ESPL1: variants seen among roughly 807,000 people sequenced by gnomAD.
The protein encoded by ESPL1 is separin.
A neutral mutation model predicts 217.2 loss-of-function variants in ESPL1; 50 were observed. The ratio of observed to expected loss-of-function variants is 0.23; its 90% confidence interval spans 0.18 to 0.29. ESPL1 has a LOEUF of 0.29. Among genes scored for constraint, ESPL1 ranks in the 10% least tolerant of loss-of-function variants. The pLI is 1.00. For synonymous variants in ESPL1, 994 were observed against 1,081.3 expected (o/e 0.92, Z 1.58); for missense variants, 1,834 against 2,603.0 (o/e 0.70, Z 6.43).
At chr12:53,277,637 C>T in intron 10 of ESPL1, 29 bp downstream of exon 10, 2 of 1,610,050 alleles carry the variant, frequency 1.2e-6, no homozygotes, top group Non-Finnish European at 1.7e-6. Flanking sequence ...GTGGCATGGG[C>T]ATCTCCATGG....
intron 17 of ESPL1, among the ~76,000 whole-genome samples, chr12:53,284,416 G>A (rs777084768): frequency 7.9e-5 from 12 of 151,980 alleles, no homozygotes; most frequent in African/African-American, 2.2e-4. Context: ...CACCACACCC[G>A]GATAATTTTT....
At chr12:53,274,442 G>C in intron 6 of ESPL1, 1 of 201,296 alleles carries the variant, frequency 5.0e-6, no homozygotes, top group Non-Finnish European at 1.0e-5. Flanking sequence ...CAGTGGATCG[G>C]TGCGAGAAGC....
Position 53,288,535 on chromosome 12 carries a change from C to G in ESPL1, c.4547-3C>G, listed in dbSNP as rs750298264. 7 of 1,607,590 alleles carry G rather than the reference C, an allele frequency of 4.4e-6. No individual in the cohort carries two copies. The highest frequency in any genetic ancestry group is 2.7e-5 in the African/African-American group (2 of 74,558). On this transcript the variant is annotated splice_region_variant and splice_polypyrimidine_tract_variant and intron_variant, in intron 19 of 30. Transcript: ENST00000257934. ...CTGTGAAAAAGGCCTGCTCTCTCCC[C>G]AGGTGGGAAGACTCCAGCTCCGGGC...
Position 53,286,905 on chromosome 12 carries a change from G to T in ESPL1, c.4169G>T (p.Arg1390Leu). 6.3e-7 allele frequency: 1 copy of T among 1,590,804 alleles called. No homozygotes were observed. The highest frequency in any genetic ancestry group is 8.6e-7 in the Non-Finnish European group (1 of 1,169,050). ...AGGGTACAACAGAGAGTCCAGACGC[G>T]CCTCAAGGTGAGGTGGGACTGTTGC... ...APRVQQRVQT[R>L]LKVNFSDDSD... Residue 1390 changes from arginine (R) to leucine (L), a missense_variant, in exon 18 of 31, where the codon CGC (arginine) becomes CTC (leucine). By Grantham distance (102) the Arg-to-Leu change is moderately radical. Transcript: ENST00000257934. The surrounding 1 kb of genome is among the most constrained non-coding windows in gnomAD (Gnocchi z 5.3).
rs761349808 is a variant in ESPL1 at position 53,276,659 on chromosome 12, C to T, written c.1740C>T (p.Thr580=). Residue 580 remains threonine (T), a synonymous_variant, in exon 8 of 31, where the codon ACC becomes ACT. Transcript: ENST00000257934. The part of the protein sequence containing the change: ...RDSLSGWDPE[T]LALLLREELQ... ...GCCTCAGTGGCTGGGACCCGGAGACCCTGGCCCTCCTGCTGAGGGAGGAGC... is the reference window on the plus strand; with the variant it reads ...GCCTCAGTGGCTGGGACCCGGAGACTCTGGCCCTCCTGCTGAGGGAGGAGC... 1 of 1,612,890 alleles carries T rather than the reference C, an allele frequency of 6.2e-7. No homozygotes were observed. Among genetic ancestry groups the T allele is most frequent in the Non-Finnish European group, 8.5e-7 (1 of 1,179,874 alleles).
At chr12:53,290,282 G>C (rs1387584445) in intron 23 of ESPL1, 65 bp from the exon 24 acceptor site, 2 of 1,610,664 alleles carry the variant, frequency 1.2e-6, no homozygotes, top group Non-Finnish European at 1.7e-6. Context: ...CACATTCTGT[G>C]TTGAGGGAGG....
chr12:53,286,502 G>A lies in ESPL1; in HGVS notation c.3766G>A (p.Ala1256Thr), dbSNP rs766217728. 1.2e-6 allele frequency: 2 copies of A among 1,614,230 alleles called. No individual in the cohort carries two copies. The highest frequency in any genetic ancestry group is 8.5e-7 in the Non-Finnish European group (1 of 1,180,030). Residue 1256 changes from alanine (A) to threonine (T), a missense_variant, in exon 18 of 31, where the codon GCA (alanine) becomes ACA (threonine). By Grantham distance (58) the Ala-to-Thr change is moderately conservative. Transcript: ENST00000257934. The surrounding 1 kb of genome is among the most constrained non-coding windows in gnomAD (Gnocchi z 5.3). The stretch of plus-strand genomic sequence containing the variant: ...ACAGTCAGGGCTGAAGTTTGTAGCA[G>A]CACGGATACCCCACCTAGAGCCCTG... ...VLQSGLKFVA[A>T]RIPHLEPWRA...
rs1254669393 is a variant in ESPL1, at chr12:53,274,842, T to A, written c.1532T>A (p.Val511Glu). The A allele has an allele frequency of 6.2e-7, 1 of 1,613,914 alleles. No homozygotes were observed. The highest frequency in any genetic ancestry group is 1.3e-5 in the African/African-American group (1 of 74,882). The change falls in exon 7 of 31, where the codon GTA (valine) becomes GAA (glutamate). Residue 511 changes from valine (V) to glutamate (E), a missense_variant. By Grantham distance (121) the Val-to-Glu change is moderately radical (BLOSUM62 -2). Transcript: ENST00000257934. ...TTGCACAGGTGCTTCCGGCTACAAGTAGAGAGTTTGAAGAAACTGGGTAAA... is the reference window on the plus strand; with the variant it reads ...TTGCACAGGTGCTTCCGGCTACAAGAAGAGAGTTTGAAGAAACTGGGTAAA... ...EKLHRCFRLQ[V>E]ESLKKLGKQA...
chr12:53,282,408 T>C lies in ESPL1; in HGVS notation c.2764T>C (p.Ser922Pro). 2 of 1,614,082 alleles carry C rather than the reference T, an allele frequency of 1.2e-6. No individual in the cohort carries two copies. The highest frequency in any genetic ancestry group is 3.3e-4 in the Middle Eastern group (2 of 6,062). ...CCTCCCGTCAAACAACCTCTCACAC[T>C]CCCTGTGGGAGCAGCTCTGTGCCCA... The part of the protein sequence containing the change: ...LSLPSNNLSH[S>P]LWEQLCAQGW... Residue 922 changes from serine to proline, a missense_variant, in exon 14 of 31, where the codon TCC (serine) becomes CCC (proline). Physicochemically the swap from Ser to Pro is moderately conservative, Grantham distance 74. Coordinates refer to ENST00000257934, the MANE Select transcript of ESPL1 (RefSeq NM_012291.5). The surrounding 1 kb of genome is among the most constrained non-coding windows in gnomAD (Gnocchi z 4.0).
intron 20 of ESPL1, 99 bp from the exon 21 acceptor site, chr12:53,288,991 C>A: frequency 2.0e-6 from 2 of 979,342 alleles, no homozygotes; most frequent in South Asian, 1.4e-5. Flanking sequence ...TGCTGTTTGC[C>A]ATGTGGGAGA....
rs1172269393 is a variant in ESPL1 at position 53,276,866 on chromosome 12, A to G, written c.1940+7A>G. 1 of 1,613,004 alleles carries G rather than the reference A, an allele frequency of 6.2e-7. No individual in the cohort carries two copies. Among genetic ancestry groups the G allele is most frequent in the African/African-American group, 1.3e-5 (1 of 74,930 alleles). ...TTACGCAGCAGACCAACTGGTAAGG[A>G]GTAGTAGCTGCAGAGGCCACTCTTG... is the stretch of plus-strand genomic sequence containing the variant. On this transcript the variant is annotated splice_region_variant and intron_variant, in intron 8 of 30. Transcript: ENST00000257934.
intron 11 of ESPL1, among the ~76,000 whole-genome samples, chr12:53,278,178 C>T (rs148994935): frequency 0.015 from 2,247 of 152,294 alleles, 27 homozygotes; most frequent in South Asian, 0.054. Context: ...GTTTCCTTAT[C>T]TCTAAAATAG....
In ESPL1 at chr12:53,282,398, C is replaced by T; in HGVS notation, c.2754C>T (p.Asn918=). The change falls in exon 14 of 31, where the codon AAC becomes AAT. Residue 918 remains asparagine (N), a synonymous_variant. Transcript: ENST00000257934. This position sits in a 1 kb window ranked among gnomAD's most constrained non-coding sequence, Gnocchi z 4.0. ...CTTACCTTAGCCTCCCGTCAAACAA[C>T]CTCTCACACTCCCTGTGGGAGCAGC... ...VAAYLSLPSN[N]LSHSLWEQLC... 1 of 1,614,194 alleles carries T rather than the reference C, an allele frequency of 6.2e-7. No homozygotes were observed.
rs144237775 is a variant in ESPL1 at position 53,286,008 on chromosome 12, C to T, written c.3272C>T (p.Pro1091Leu). 9.0e-5 allele frequency: 145 copies of T among 1,602,854 alleles called. No individual in the cohort carries two copies. In the African/African-American group the frequency reaches 1.9e-3, roughly 21 times the overall value. The change falls in exon 18 of 31, where the codon CCT (proline) becomes CTT (leucine). Residue 1091 changes from proline to leucine, a missense_variant. This residue lies in a region of ESPL1 where 681 missense variants were observed against 808.0 expected (regional missense o/e 0.84). Transcript: ENST00000257934. This position sits in a 1 kb window ranked among gnomAD's most constrained non-coding sequence, Gnocchi z 5.3. ...KGKQQAQVPC[P>L]PQLPEEELFL... Reference sequence around the variant, plus strand: ...AAGCAGCAGGCCCAGGTCCCCTGTCCTCCACAGCTCCCAGAGGAGGAGCTC... The same window carrying T: ...AAGCAGCAGGCCCAGGTCCCCTGTCTTCCACAGCTCCCAGAGGAGGAGCTC...
Position 53,276,853 on chromosome 12 carries a change from C to T in ESPL1, c.1934C>T (p.Thr645Ile). 6.2e-7 allele frequency: 1 copy of T among 1,613,662 alleles called. No homozygotes were observed. Among genetic ancestry groups the T allele is most frequent in the Non-Finnish European group, 8.5e-7 (1 of 1,179,932 alleles). The stretch of plus-strand genomic sequence containing the variant: ...TGCTACCACGACTTTACGCAGCAGA[C>T]CAACTGGTAAGGAGTAGTAGCTGCA... The part of the protein sequence containing the change: ...VLCYHDFTQQ[T>I]NCSALDAIRE... The change falls in exon 8 of 31, where the codon ACC becomes ATC. Residue 645 changes from threonine to isoleucine, a missense_variant. This residue lies in a region of ESPL1 where 746 missense variants were observed against 1,077.0 expected (regional missense o/e 0.69). Coordinates refer to ENST00000257934, the MANE Select transcript of ESPL1 (RefSeq NM_012291.5).
Position 53,272,831 on chromosome 12 carries a change from A to G in ESPL1, c.1480A>G (p.Thr494Ala). The G allele has an allele frequency of 1.9e-6, 3 of 1,614,042 alleles. No individual in the cohort carries two copies. Among genetic ancestry groups the G allele is most frequent in the Non-Finnish European group, 2.5e-6 (3 of 1,180,020 alleles). ...GCACCTGGGTTTGGTGAAGCCAGGC[A>G]CTTATCCCGAGGTGCCTCCTGAGAA... ...CQHLGLVKPG[T>A]YPEVPPEKLH... Residue 494 changes from threonine (T) to alanine (A), a missense_variant, in exon 6 of 31, where the codon ACT (threonine) becomes GCT (alanine). Physicochemically the swap from Thr to Ala is moderately conservative, Grantham distance 58. This residue lies in a region of ESPL1 where 746 missense variants were observed against 1,077.0 expected (regional missense o/e 0.69). Transcript: ENST00000257934.
intron 8 of ESPL1, 94 bp downstream of exon 8, chr12:53,276,953 T>C: frequency 1.3e-6 from 2 of 1,554,158 alleles, no homozygotes; most frequent in Non-Finnish European, 1.7e-6. Flanking sequence ...AGCCCTGAGC[T>C]CTCCCTTCAT....
rs750397784 is a variant in ESPL1 at position 53,288,324 on chromosome 12, G to A, written c.4529G>A (p.Gly1510Glu). ...TTTGAGATCCTCAGGGGCTCTGACG[G>A]GGAAGACTCAGCCTCAGGTAGGACA... The part of the protein sequence containing the change: ...MSFEILRGSD[G>E]EDSASGGKTP... The change falls in exon 19 of 31, where the codon GGG becomes GAG. Residue 1510 changes from glycine (G) to glutamate (E), a missense_variant. Around this residue, in one of 5 missense-constraint regions of ESPL1, gnomAD observed 681 missense variants for 808.0 expected, o/e 0.84. Transcript: ENST00000257934. 3.7e-6 allele frequency: 6 copies of A among 1,600,314 alleles called. No individual in the cohort carries two copies. The highest frequency in any genetic ancestry group is 5.1e-6 in the Non-Finnish European group (6 of 1,173,958).
intron 7 of ESPL1, among the ~76,000 whole-genome samples, chr12:53,276,265 A>G (rs1277048206): frequency 1.3e-5 from 2 of 152,314 alleles, no homozygotes; most frequent in East Asian, 3.9e-4. Context: ...TAGTAAATAC[A>G]AAGGTTGCAA....
Sources: gnomAD v4.1 joint callset for allele counts (sites outside exome capture counted in the v4.1 genomes callset) on GRCh38, gnomAD v4.1.1 for gene constraint, gnomAD v4.1.1 regional missense constraint, Gnocchi (gnomAD v3.1) non-coding constraint, MANE v1.5 for transcripts, NCBI Gene and HGNC (gene_info 2026-07-23, HGNC 2026-07-21) for gene names.